SPRED2: variants seen among roughly 807,000 people sequenced by gnomAD.
The protein encoded by SPRED2 is sprouty-related, EVH1 domain-containing protein 2.
A neutral mutation model predicts 43.0 loss-of-function variants in SPRED2; 47 were observed. That is an observed-to-expected ratio of 1.09 (90% CI 0.87 to 1.40). The LOEUF is 1.40. Ranked by LOEUF, SPRED2 falls within the 40% of genes most tolerant of loss-of-function variation. The pLI, the probability that SPRED2 is intolerant of heterozygous loss-of-function variation, is 0.00. For synonymous variants in SPRED2, 225 were observed against 225.7 expected (o/e 1.00, Z 0.03); for missense variants, 561 against 586.4 (o/e 0.96, Z 0.45).
intron 2 of SPRED2, among the ~76,000 whole-genome samples, chr2:65,341,310 G>T (rs1246773639): frequency 1.3e-5 from 2 of 151,862 alleles, no homozygotes; most frequent in Non-Finnish European, 2.9e-5. Context: ...CCACAAGTGT[G>T]GAGTCAAGGA....
At chr2:65,428,392 T>A (rs1676604101) in intron 1 of SPRED2, among the ~76,000 whole-genome samples, 1 of 152,192 alleles carries the variant, frequency 6.6e-6, no homozygotes, top group Admixed American at 6.5e-5. Context: ...TAACTCGGGG[T>A]CTTCGATTGG....
intron 1 of SPRED2, among the ~76,000 whole-genome samples, chr2:65,422,266 C>A (rs970456758): frequency 2.6e-5 from 4 of 152,140 alleles, no homozygotes; most frequent in African/African-American, 9.7e-5. Flanking sequence ...AATATGAGAA[C>A]CCCAACACAT....
At chr2:65,428,106 G>A (rs1300334063) in intron 1 of SPRED2, among the ~76,000 whole-genome samples, 1 of 152,176 alleles carries the variant, frequency 6.6e-6, no homozygotes, top group African/African-American at 2.4e-5. Flanking sequence ...TTCTTCACAG[G>A]GTTATCTGAA....
chr2:65,393,577 C>T (rs1381388160), intron 1 of SPRED2, among the ~76,000 whole-genome samples: 2 of 151,914 alleles, frequency 1.3e-5, no homozygotes, highest in Non-Finnish European at 2.9e-5. Context: ...TCAAATGATC[C>T]GCCCGCCTCT....
chr2:65,324,322 A>G (rs750736803), intron 4 of SPRED2, among the ~76,000 whole-genome samples: 2 of 152,120 alleles, frequency 1.3e-5, no homozygotes, highest in African/African-American at 4.8e-5. Context: ...ATAATAATGG[A>G]CCTTAATGTT....
At chr2:65,349,083 C>T (rs1221339527) in intron 1 of SPRED2, among the ~76,000 whole-genome samples, 4 of 151,940 alleles carry the variant, frequency 2.6e-5, no homozygotes, top group East Asian at 1.9e-4. Flanking sequence ...CTGAGGCGGC[C>T]GGATCATGAG....
At position 65,399,571 on chromosome 2, in the gene SPRED2, C is replaced by T. The variant is rs375609500; in HGVS notation, c.26+32391G>A. Among the ~76,000 whole-genome samples the T allele has an allele frequency of 2.3e-3, 347 of 151,742 alleles. 1 individual carries two copies. The highest frequency in any genetic ancestry group is 8.1e-3 in the African/African-American group (334 of 41,386). ...CTAATTTTTGTATTTTTAGTAGAGA[C>T]GGGGTTTCACCATGTTGGCGAGGCT... On this transcript the variant is annotated intron_variant, in intron 1 of 5. Coordinates refer to ENST00000356388, the MANE Select transcript of SPRED2 (RefSeq NM_181784.3).
At chr2:65,339,082 G>A (rs1228207477) in intron 2 of SPRED2, among the ~76,000 whole-genome samples, 1 of 110,534 alleles carries the variant, frequency 9.0e-6, no homozygotes, top group African/African-American at 4.1e-5. Flanking sequence ...CAGCCGCTCC[G>A]TCCGGGAGGG....
chr2:65,395,056 C>T (rs1041720672), intron 1 of SPRED2, among the ~76,000 whole-genome samples: 1 of 152,118 alleles, frequency 6.6e-6, no homozygotes. Flanking sequence ...GGGTGTACCT[C>T]TCCATCACCC....
chr2:65,319,644 C>G (rs1255193438), intron 4 of SPRED2, among the ~76,000 whole-genome samples: 2 of 152,358 alleles, frequency 1.3e-5, no homozygotes, highest in Middle Eastern at 3.4e-3. Flanking sequence ...CTCTCTACCC[C>G]TTACTCCTCC....
chr2:65,431,432 T>G (rs1268543627), intron 1 of SPRED2, among the ~76,000 whole-genome samples: 5 of 151,954 alleles, frequency 3.3e-5, no homozygotes, highest in African/African-American at 4.8e-5. Flanking sequence ...CCCGCGCCTG[T>G]CCTCCTCTCG....
intron 1 of SPRED2, among the ~76,000 whole-genome samples, chr2:65,385,653 G>C (rs1675478337): frequency 6.6e-6 from 1 of 152,140 alleles, no homozygotes; most frequent in African/African-American, 2.4e-5. Flanking sequence ...CCTACCCACT[G>C]CCACCAAGAA....
intron 4 of SPRED2, among the ~76,000 whole-genome samples, chr2:65,318,080 T>A (rs1673297471): frequency 6.6e-6 from 1 of 152,098 alleles, no homozygotes; most frequent in Admixed American, 6.6e-5. Flanking sequence ...TTGGGGCAAG[T>A]CTTTCCCGTG....
At chr2:65,355,073 G>C (rs930389149) in intron 1 of SPRED2, among the ~76,000 whole-genome samples, 2 of 152,178 alleles carry the variant, frequency 1.3e-5, no homozygotes, top group African/African-American at 4.8e-5. Context: ...GCGAAGAATG[G>C]AACAACTTTT....
intron 1 of SPRED2, among the ~76,000 whole-genome samples, chr2:65,397,676 G>C: frequency 6.6e-6 from 1 of 150,512 alleles, no homozygotes; most frequent in South Asian, 2.1e-4. Context: ...ACAGACCCAG[G>C]CCTTTCTAAA....
At chr2:65,422,104 A>ACACACACTCTCTCTCT (rs1299857849) in intron 1 of SPRED2, among the ~76,000 whole-genome samples, 2 of 128,938 alleles carry the variant, frequency 1.6e-5, no homozygotes, top group African/African-American at 2.9e-5. Context: ...ACACACACAC[A>ACACACACTCTCTCTCT]CTCTCTCTCT....
In SPRED2 at chr2:65,432,354, A is replaced by G. The variant is rs12185577; in HGVS notation, c.-367T>C. On this transcript the variant is annotated 5_prime_UTR_variant, in exon 1 of 6. Coordinates refer to ENST00000356388, the MANE Select transcript of SPRED2 (RefSeq NM_181784.3). The stretch of plus-strand genomic sequence containing the variant: ...CAGGGACTGCTGCGAGGAGGAGGAG[A>G]GCGCCGGCCGCGGGTGGGGGGGCTC... Among the ~76,000 whole-genome samples the G allele has an allele frequency of 0.39, 48,809 of 126,090 alleles. 8,663 individuals carry two copies. The highest frequency in any genetic ancestry group is 0.54 in the Middle Eastern group (146 of 268). 82.7% of individuals were successfully genotyped at this position (126,090 alleles called of 152,430 possible).
chr2:65,426,089 G>A (rs1676550430), intron 1 of SPRED2, among the ~76,000 whole-genome samples: 1 of 152,210 alleles, frequency 6.6e-6, no homozygotes, highest in Non-Finnish European at 1.5e-5. Context: ...TGTGATTTCT[G>A]CAGAGATTCT....
intron 1 of SPRED2, among the ~76,000 whole-genome samples, chr2:65,400,272 T>C (rs2661796): frequency 0.48 from 73,261 of 152,070 alleles, 18,633 homozygotes; most frequent in African/African-American, 0.64. Context: ...CCTGGAATAG[T>C]CCATGGTTAT....
Sources: gnomAD v4.1 joint callset for allele counts (sites outside exome capture counted in the v4.1 genomes callset) on GRCh38, gnomAD v4.1.1 for gene constraint, MANE v1.5 for transcripts, NCBI Gene and HGNC (gene_info 2026-07-23, HGNC 2026-07-21) for gene names.